Variants in TNN observed in about 807,000 individuals in gnomAD.
The protein encoded by TNN is tenascin-N.
A neutral mutation model predicts 134.4 loss-of-function variants in TNN; 122 were observed. The observed-to-expected ratio is 0.91, with a 90% CI of 0.78 to 1.06. The LOEUF (loss-of-function observed/expected upper bound fraction) is 1.06. TNN is among the 50% of genes least tolerant of loss of function. The pLI, the probability that TNN is intolerant of heterozygous loss-of-function variation, is 0.00. For missense variants in TNN, 1,739 were observed against 1,699.4 expected, an observed-to-expected ratio of 1.02 and a Z score of -0.41; for synonymous variants, 710 against 670.3, an observed-to-expected ratio of 1.06 and a Z score of -0.91.
chr1:175,136,876 A>T lies in TNN; in HGVS notation c.3483A>T (p.Arg1161Ser), dbSNP rs142140739. ...GCACTCCAGCGCGGTATGAGGTGAGAGTGGATTTACAGACTGCCAATGAAT... is the reference window on the plus strand; with the variant it reads ...GCACTCCAGCGCGGTATGAGGTGAGTGTGGATTTACAGACTGCCAATGAAT... ...TTGTPARYEVRVDLQTANESA... is the reference protein window; with the variant it reads ...TTGTPARYEVSVDLQTANESA... Residue 1161 changes from arginine to serine, a missense_variant, in exon 17 of 19, where the codon AGA becomes AGT. Transcript: ENST00000239462. The T allele has an allele frequency of 1.2e-6, 2 of 1,614,154 alleles. No homozygotes were observed. Among genetic ancestry groups the T allele is most frequent in the Non-Finnish European group, 1.7e-6 (2 of 1,180,012 alleles).
At chr1:175,134,176 G>T (rs1251977804) in intron 15 of TNN, among the ~76,000 whole-genome samples, 2 of 152,062 alleles carry the variant, frequency 1.3e-5, no homozygotes, top group East Asian at 1.9e-4. Flanking sequence ...ACATCCAATT[G>T]CTCTGTGGTA....
chr1:175,089,335 C>A (rs1574146358), intron 6 of TNN, among the ~76,000 whole-genome samples: 2 of 152,178 alleles, frequency 1.3e-5, no homozygotes, highest in South Asian at 4.1e-4. Flanking sequence ...AACACCATGA[C>A]AGGGAAATGG....
intron 9 of TNN, among the ~76,000 whole-genome samples, chr1:175,115,721 C>G (rs12058181): frequency 0.2 from 30,530 of 152,034 alleles, 3,258 homozygotes; most frequent in African/African-American, 0.26. Context: ...GGGGGTGGGG[C>G]ACAGTGTTGG....
At chr1:175,120,919 G>T (rs1675357812) in intron 11 of TNN, among the ~76,000 whole-genome samples, 1 of 152,116 alleles carries the variant, frequency 6.6e-6, no homozygotes, top group African/African-American at 2.4e-5. Context: ...TCCCACCTTA[G>T]CTTCCCAAGT....
intron 4 of TNN, among the ~76,000 whole-genome samples, chr1:175,082,272 C>T (rs1473373622): frequency 5.9e-5 from 9 of 152,194 alleles, no homozygotes; most frequent in African/African-American, 1.7e-4. Context: ...ATCTTGCTCT[C>T]GGGATTTGTA....
chr1:175,106,340 T>A (rs1161933981), intron 9 of TNN, among the ~76,000 whole-genome samples: 1 of 145,550 alleles, frequency 6.9e-6, no homozygotes, highest in Non-Finnish European at 1.5e-5. Context: ...AGGATACAAT[T>A]TCTGAGGCTC....
intron 7 of TNN, among the ~76,000 whole-genome samples, chr1:175,094,821 C>T (rs929969100): frequency 4.6e-5 from 7 of 152,214 alleles, no homozygotes; most frequent in South Asian, 2.1e-4. Context: ...CTGCTTAAAT[C>T]CTCTCCTGGT....
chr1:175,126,163 G>A (rs1269584529), intron 12 of TNN, among the ~76,000 whole-genome samples: 3 of 147,560 alleles, frequency 2.0e-5, no homozygotes, highest in East Asian at 2.0e-4. Flanking sequence ...GTGCAGTGAC[G>A]TGATCTTGGC....
At chr1:175,092,262 A>G (rs1169935832) in intron 6 of TNN, among the ~76,000 whole-genome samples, 1 of 152,104 alleles carries the variant, frequency 6.6e-6, no homozygotes, top group Non-Finnish European at 1.5e-5. Flanking sequence ...AGTTCTCTCT[A>G]TCGTTGCACT....
Position 175,123,312 on chromosome 1 carries a change from A to G in TNN, c.2651-88A>G, listed in dbSNP as rs959182324. On this transcript the variant is annotated intron_variant, in intron 11 of 18. Coordinates refer to ENST00000239462, the MANE Select transcript of TNN (RefSeq NM_022093.2). ...GAATTCTACCATTATTAATGATAACATGATGGAGAGCTCCTGGTGATGAGG... is the reference window on the plus strand; with the variant it reads ...GAATTCTACCATTATTAATGATAACGTGATGGAGAGCTCCTGGTGATGAGG... 2.0e-5 allele frequency: 29 copies of G among 1,436,346 alleles called. No homozygotes were observed. The Middle Eastern group carries it at 5.5e-4, about 27-fold the overall frequency. The allele number at this position is 1,436,346 out of a possible 1,614,324, so 89.0% of individuals were successfully genotyped here.
At chr1:175,134,443 G>A (rs1675747518) in intron 15 of TNN, among the ~76,000 whole-genome samples, 1 of 151,902 alleles carries the variant, frequency 6.6e-6, no homozygotes, top group South Asian at 2.1e-4. Context: ...TACTTGGGAG[G>A]CTGAGGCAGG....
intron 5 of TNN, 96 bp downstream of exon 5, chr1:175,084,031 G>T (rs77638981): frequency 0.013 from 16,670 of 1,273,378 alleles, 130 homozygotes; most frequent in Middle Eastern, 0.016. Context: ...GCTCAAGTGT[G>T]CACAGACAGC....
chr1:175,073,504 G>A (rs1459378584), intron 1 of TNN, among the ~76,000 whole-genome samples: 1 of 152,154 alleles, frequency 6.6e-6, no homozygotes, highest in Admixed American at 6.5e-5. Context: ...GTGAAAGCAA[G>A]TCCATTTCAG....
chr1:175,085,321 C>A (rs149432029), intron 5 of TNN, 84 bp from the exon 6 acceptor site: 1 of 865,428 alleles, frequency 1.2e-6, no homozygotes, highest in African/African-American at 1.7e-5. Flanking sequence ...TCTTCCCTCA[C>A]GGGAGAAATC....
intron 18 of TNN, 86 bp downstream of exon 18, chr1:175,144,636 C>T: frequency 7.1e-7 from 1 of 1,402,404 alleles, no homozygotes; most frequent in Non-Finnish European, 9.7e-7. Context: ...AGTCTGGCAG[C>T]CCCTCTCCTT....
At chr1:175,081,157 A>G (rs781616791) in intron 4 of TNN, among the ~76,000 whole-genome samples, 2 of 152,252 alleles carry the variant, frequency 1.3e-5, no homozygotes, top group African/African-American at 2.4e-5. Flanking sequence ...CACAGAGATC[A>G]CAGCCTGGGG....
In TNN at chr1:175,147,185, T is replaced by C. The variant is rs745768758; in HGVS notation, c.*114T>C. The C allele has an allele frequency of 7.8e-5, 85 of 1,093,970 alleles. No individual in the cohort carries two copies. Among genetic ancestry groups the C allele is most frequent in the Non-Finnish European group, 1.0e-4 (83 of 827,280 alleles). The allele number at this position is 1,093,970 out of a possible 1,614,324, so 67.8% of individuals were successfully genotyped here. A position where few individuals can be genotyped will look rare whatever the true frequency, so the allele number is the denominator to read the frequency against. On this transcript the variant is annotated 3_prime_UTR_variant, in exon 19 of 19. Coordinates refer to ENST00000239462, the MANE Select transcript of TNN (RefSeq NM_022093.2). ...CTCAGATAGCCCGCAGAACAAATCA[T>C]GTCACCAAGCTTCAAGCCATGGAGG...
chr1:175,143,802 A>C (rs912284280), intron 17 of TNN, among the ~76,000 whole-genome samples: 3 of 152,218 alleles, frequency 2.0e-5, no homozygotes, highest in Admixed American at 6.5e-5. Context: ...GCCTGAGATG[A>C]TGAAAATGGA....
intron 12 of TNN, among the ~76,000 whole-genome samples, chr1:175,125,980 TCTC>T (rs1232110563): frequency 2.0e-5 from 3 of 149,854 alleles, no homozygotes; most frequent in African/African-American, 7.4e-5. Flanking sequence ...TCTCTCTCTC[TCTC>T]CTCTATACAA....
Sources: allele counts gnomAD v4.1 joint callset (sites outside exome capture counted in the v4.1 genomes callset), GRCh38; gene constraint gnomAD v4.1.1; transcripts MANE v1.5; gene names NCBI Gene and HGNC (gene_info 2026-07-23, HGNC 2026-07-21).